The following MROH2A variants were observed in gnomAD, a reference collection of about 807,000 sequenced individuals.
MROH2A encodes maestro heat-like repeat-containing protein family member 2A.
A neutral mutation model predicts 200.4 loss-of-function variants in MROH2A; 174 were observed. The ratio of observed to expected loss-of-function variants is 0.87; its 90% CI spans 0.77 to 0.98. MROH2A has a LOEUF of 0.98. Ranked by LOEUF, MROH2A falls within the 50% of genes least tolerant of loss-of-function variation. The pLI, the probability that MROH2A is intolerant of heterozygous loss-of-function variation, is 0.00. For missense variants in MROH2A, 2,045 were observed against 2,139.6 expected (o/e 0.96, Z 0.87); for synonymous variants, 829 against 840.4 (o/e 0.99, Z 0.23).
At chr2:233,801,351 CG>C (rs928467515) in intron 14 of MROH2A, among the ~76,000 whole-genome samples, 2 of 151,920 alleles carry the variant, frequency 1.3e-5, no homozygotes, top group Non-Finnish European at 2.9e-5. Flanking sequence ...TATAATTAGT[CG>C]GGGGTGTTGA....
upstream of MROH2A, among the ~76,000 whole-genome samples, chr2:233,776,598 A>G (rs1165547327): frequency 6.6e-6 from 1 of 152,126 alleles, no homozygotes; most frequent in African/African-American, 2.4e-5. Context: ...AAAGCCAAGC[A>G]GAGCCCCCTT....
At position 233,804,548 on chromosome 2, in the gene MROH2A, G is replaced by A. The variant is rs527760342; in HGVS notation, c.1944+1G>A. ...AGCCTGGGAAGACAAGCTGATTCAG[G>A]TAAACGGGTAACAAGTTTGCTGAGG... is the stretch of plus-strand genomic sequence containing the variant. On this transcript the variant is annotated splice_donor_variant, in intron 18 of 41. Transcript: ENST00000389758. LOFTEE classifies it high-confidence loss of function. 9.7e-6 allele frequency: 15 copies of A among 1,551,292 alleles called. No homozygotes were observed. The highest frequency in any genetic ancestry group is 2.4e-5 in the East Asian group (1 of 40,922).
At position 233,809,124 on chromosome 2, in the gene MROH2A, A is replaced by G; in HGVS notation, c.2296-2A>G. The stretch of plus-strand genomic sequence containing the variant: ...TGGTTCTTTTTCTCTTTGGCCTCGT[A>G]GAAGGACCATCCCTGGAGGCGGGAG... On this transcript the variant is annotated splice_acceptor_variant, in intron 21 of 41. Coordinates refer to ENST00000389758, the MANE Select transcript of MROH2A (RefSeq NM_001394639.1). LOFTEE classifies it high-confidence loss of function. 3 of 1,547,300 alleles carry G rather than the reference A, an allele frequency of 1.9e-6. No homozygotes were observed. Among genetic ancestry groups the G allele is most frequent in the South Asian group, 2.4e-5 (2 of 83,988 alleles).
At chr2:233,799,016 C>T (rs1268669535) in intron 12 of MROH2A, among the ~76,000 whole-genome samples, 166 bp downstream of exon 12, 1 of 152,150 alleles carries the variant, frequency 6.6e-6, no homozygotes, top group Non-Finnish European at 1.5e-5. Flanking sequence ...GCTGAGGTTC[C>T]ACTCTCGAGA....
At chr2:233,823,689 GC>G (rs1163878668) in intron 35 of MROH2A, 25 bp downstream of exon 35, 46 of 1,546,062 alleles carry the variant, frequency 3.0e-5, no homozygotes, top group Non-Finnish European at 3.8e-5. Flanking sequence ...CCGGGTGTGG[GC>G]GGGGTGCAAG....
At chr2:233,788,646 G>A (rs1321955147) in intron 3 of MROH2A, among the ~76,000 whole-genome samples, 1 of 152,020 alleles carries the variant, frequency 6.6e-6, no homozygotes, top group Non-Finnish European at 1.5e-5. Context: ...TTCCTTAAGA[G>A]TGGCTTGTCA....
chr2:233,779,662 T>A lies in MROH2A; in HGVS notation c.95-9T>A. The A allele has an allele frequency of 1.3e-6, 2 of 1,550,454 alleles. No homozygotes were observed. The highest frequency in any genetic ancestry group is 1.7e-6 in the Non-Finnish European group (2 of 1,146,774). On this transcript the variant is annotated splice_polypyrimidine_tract_variant and intron_variant, in intron 2 of 41. Coordinates refer to ENST00000389758, the MANE Select transcript of MROH2A (RefSeq NM_001394639.1). The stretch of plus-strand genomic sequence containing the variant: ...CCACACTGCACCTGGGTGGCGTTTG[T>A]TTTCATAGGTACCTTTCAACAAGTC...
upstream of MROH2A, among the ~76,000 whole-genome samples, chr2:233,777,108 T>C (rs570530326): frequency 1.1e-4 from 17 of 152,240 alleles, no homozygotes; most frequent in Admixed American, 2.6e-4. Context: ...AGGTGACTCA[T>C]ACACTTGTGA....
chr2:233,782,685 C>G (rs1701003904), intron 3 of MROH2A, among the ~76,000 whole-genome samples: 1 of 152,144 alleles, frequency 6.6e-6, no homozygotes, highest in South Asian at 2.1e-4. Flanking sequence ...TTCTTCCTTT[C>G]TATTTTGTAT....
At position 233,779,277 on chromosome 2, in the gene MROH2A, G is replaced by A. The variant is rs966490363; in HGVS notation, c.-14-68G>A. 4.3e-6 allele frequency: 4 copies of A among 941,166 alleles called. No individual in the cohort carries two copies. In the African/African-American group the frequency reaches 6.6e-5, roughly 15 times the overall value. 58.3% of individuals were successfully genotyped at this position (941,166 alleles called of 1,614,324 possible). A position where few individuals can be genotyped will look rare whatever the true frequency, so the allele number is the denominator to read the frequency against. The stretch of plus-strand genomic sequence containing the variant: ...AGGGGATGGCTTTATGGAAGGGTGT[G>A]GGTCGTTGGGGTCATCTTAAGGTGT... On this transcript the variant is annotated intron_variant, in intron 1 of 41. Coordinates refer to ENST00000389758, the MANE Select transcript of MROH2A (RefSeq NM_001394639.1).
In MROH2A at chr2:233,804,132, G is replaced by A. The variant is rs776274883; in HGVS notation, c.1831G>A (p.Ala611Thr). ...CTTGAGGACCCTGAGCCAGAGCATC[G>A]CACCCTCCATGGCCGACATGTGGGA... ...NLLRTLSQSI[A>T]PSMADMWELE... is the part of the protein sequence containing the mutation. The change falls in exon 17 of 42, where the codon GCA becomes ACA. Residue 611 changes from alanine to threonine, a missense_variant. Around this residue, in one of 3 missense-constraint regions of MROH2A, gnomAD observed 831 missense variants for 800.0 expected, o/e 1.04. Transcript: ENST00000389758. 1.7e-5 allele frequency: 26 copies of A among 1,550,372 alleles called. No homozygotes were observed. In the Middle Eastern group the frequency reaches 1.0e-3, roughly 60 times the overall value.
At position 233,831,852 on chromosome 2, in the gene MROH2A, TA is replaced by T. The variant is rs1027053204; in HGVS notation, c.4734+313del. On this transcript the variant is annotated intron_variant, in intron 39 of 41. Transcript: ENST00000389758. ...ATCAGTATAAAAACTATTATTGTGATATTTTACAATTTTTGGGGTACCATCT... is the reference window on the plus strand; with the variant it reads ...ATCAGTATAAAAACTATTATTGTGATTTTTACAATTTTTGGGGTACCATCT... Among the ~76,000 whole-genome samples, 4 of 152,262 alleles carry T rather than the reference TA, an allele frequency of 2.6e-5. 1 individual carries two copies. Among genetic ancestry groups the T allele is most frequent in the African/African-American group, 9.6e-5 (4 of 41,468 alleles).
Position 233,804,481 on chromosome 2 carries a change from A to G in MROH2A, c.1892-14A>G, listed in dbSNP as rs548591127. ...AAGAAAGTGGCATGTGTGACCATAC[A>G]TGTGTTCCTGCAGAACATACTGAGT... On this transcript the variant is annotated splice_polypyrimidine_tract_variant and intron_variant, in intron 17 of 41. Coordinates refer to ENST00000389758, the MANE Select transcript of MROH2A (RefSeq NM_001394639.1). The G allele has an allele frequency of 2.6e-6, 4 of 1,551,092 alleles. No homozygotes were observed. In the East Asian group the frequency reaches 9.8e-5, roughly 38 times the overall value.
chr2:233,806,905 G>A (rs564382271), intron 19 of MROH2A, among the ~76,000 whole-genome samples: 8 of 152,088 alleles, frequency 5.3e-5, no homozygotes, highest in Non-Finnish European at 7.4e-5. Flanking sequence ...AGCAGTATAC[G>A]CTGCACCCAA....
chr2:233,817,923 T>C, intron 27 of MROH2A, 79 bp from the exon 28 acceptor site: 1 of 1,518,920 alleles, frequency 6.6e-7, no homozygotes, highest in African/African-American at 1.4e-5. Context: ...TATCAAGTTG[T>C]CCTTTACACT....
chr2:233,799,945 A>G, intron 13 of MROH2A, 46 bp downstream of exon 13: 1 of 1,549,778 alleles, frequency 6.5e-7, no homozygotes, highest in Non-Finnish European at 8.7e-7. Flanking sequence ...GGACTTGGAA[A>G]TGGTTTCCAC....
At chr2:233,800,966 A>G (rs1702436227) in intron 14 of MROH2A, among the ~76,000 whole-genome samples, 1 of 152,090 alleles carries the variant, frequency 6.6e-6, no homozygotes. Context: ...AATAATAATC[A>G]TCATCATCAT....
intron 26 of MROH2A, 71 bp downstream of exon 26, chr2:233,814,748 C>T: frequency 9.8e-7 from 1 of 1,018,904 alleles, no homozygotes; most frequent in Non-Finnish European, 1.5e-6. Context: ...GAGGGCCAGA[C>T]TCTGGGGAAC....
upstream of MROH2A, among the ~76,000 whole-genome samples, chr2:233,778,015 C>A (rs1297778551): frequency 5.9e-5 from 9 of 152,180 alleles, no homozygotes; most frequent in Non-Finnish European, 1.3e-4. Context: ...CCCCTCCTCT[C>A]CTCTCCAACT....
Sources: gnomAD v4.1 joint callset for allele counts (sites outside exome capture counted in the v4.1 genomes callset) on GRCh38, gnomAD v4.1.1 for gene constraint, gnomAD v4.1.1 regional missense constraint, MANE v1.5 for transcripts, NCBI Gene and HGNC (gene_info 2026-07-23, HGNC 2026-07-21) for gene names.